SH3GL3: variants seen among roughly 807,000 people sequenced by gnomAD.
The protein encoded by SH3GL3 is endophilin-A3.
A neutral mutation model predicts 47.7 loss-of-function variants in SH3GL3; 33 were observed. The observed-to-expected ratio is 0.69, with a 90% CI of 0.52 to 0.92. SH3GL3 has a LOEUF of 0.92. Among genes scored for constraint, SH3GL3 ranks in the 40% least tolerant of loss-of-function variants. SH3GL3 has a pLI of 0.00. For missense variants in SH3GL3, 363 were observed against 417.8 expected (o/e 0.87, Z 1.14); for synonymous variants, 155 against 148.8 (o/e 1.04, Z -0.30).
intron 3 of SH3GL3, among the ~76,000 whole-genome samples, chr15:83,566,361 A>AGT (rs1326661845): frequency 2.2e-4 from 26 of 118,418 alleles, no homozygotes; most frequent in South Asian, 3.1e-4. Flanking sequence ...AGAGAGAGAG[A>AGT]GAGAGTGTGT....
chr15:83,545,240 G>C (rs1164346668), intron 1 of SH3GL3, among the ~76,000 whole-genome samples: 1 of 151,972 alleles, frequency 6.6e-6, no homozygotes, highest in Non-Finnish European at 1.5e-5. Context: ...TGTCTCCTCT[G>C]TGTATTTTCA....
intron 6 of SH3GL3, among the ~76,000 whole-genome samples, chr15:83,577,940 C>G (rs558493674): frequency 3.9e-5 from 6 of 152,332 alleles, no homozygotes; most frequent in Admixed American, 2.6e-4. Flanking sequence ...GCTGTCATCC[C>G]CCAGCTCTCT....
At chr15:83,507,242 T>C (rs1232642441) in intron 1 of SH3GL3, among the ~76,000 whole-genome samples, 1 of 152,058 alleles carries the variant, frequency 6.6e-6, no homozygotes, top group Non-Finnish European at 1.5e-5. Context: ...TCTCCTGACC[T>C]TGTGATCCGC....
chr15:83,553,153 C>T (rs781154551), intron 1 of SH3GL3, among the ~76,000 whole-genome samples: 18 of 151,942 alleles, frequency 1.2e-4, no homozygotes, highest in Admixed American at 1.1e-3. Context: ...GTGGTCTCAG[C>T]TACTCCTGAG....
At chr15:83,549,741 TC>T (rs1352885980) in intron 1 of SH3GL3, among the ~76,000 whole-genome samples, 2 of 152,214 alleles carry the variant, frequency 1.3e-5, no homozygotes, top group East Asian at 1.9e-4. Flanking sequence ...TTTCCCTTTT[TC>T]CCAGAAATTT....
intron 1 of SH3GL3, among the ~76,000 whole-genome samples, chr15:83,470,832 A>G (rs1029165275): frequency 1.3e-5 from 2 of 152,072 alleles, no homozygotes; most frequent in African/African-American, 4.8e-5. Flanking sequence ...ATGTGTGTGT[A>G]TACATACACA....
At chr15:83,572,761 A>T (rs1050541409) in intron 5 of SH3GL3, 63 bp downstream of exon 5, 33 of 1,247,760 alleles carry the variant, frequency 2.6e-5, no homozygotes, top group Non-Finnish European at 3.5e-5. Context: ...ATTTAAAATC[A>T]CTAGAACGTT....
In SH3GL3 at chr15:83,568,902, CTT is replaced by C. The variant is rs58463834; in HGVS notation, c.331+249_331+250del. Among the ~76,000 whole-genome samples, 539 of 130,874 alleles carry C rather than the reference CTT, an allele frequency of 4.1e-3. 6 individuals carry two copies. Among genetic ancestry groups the C allele is most frequent in the African/African-American group, 0.012 (420 of 35,086 alleles). 85.9% of individuals were successfully genotyped at this position (130,874 alleles called of 152,430 possible). A position where few individuals can be genotyped will look rare whatever the true frequency, so the allele number is the denominator to read the frequency against. On this transcript the variant is annotated intron_variant, in intron 4 of 8. Transcript: ENST00000427482. ...GGCCCAATTAAACTCTGTTGTGTATCTTTTTTTTTTTTTTTTTTTTAGACAAA... is the reference window on the plus strand; with the variant it reads ...GGCCCAATTAAACTCTGTTGTGTATCTTTTTTTTTTTTTTTTTTAGACAAA...
downstream of SH3GL3, among the ~76,000 whole-genome samples, chr15:83,620,005 A>G (rs2060908352): frequency 6.6e-6 from 1 of 152,180 alleles, no homozygotes; most frequent in African/African-American, 2.4e-5. Flanking sequence ...TGTTCACAGC[A>G]TCTTCACCAA....
intron 7 of SH3GL3, among the ~76,000 whole-genome samples, chr15:83,588,152 T>A (rs2060000862): frequency 6.6e-6 from 1 of 152,210 alleles, no homozygotes; most frequent in East Asian, 1.9e-4. Context: ...TCGTGCTCTG[T>A]TGCCCAGGCT....
At chr15:83,592,311 A>G (rs1378030576) in intron 8 of SH3GL3, among the ~76,000 whole-genome samples, 1 of 152,120 alleles carries the variant, frequency 6.6e-6, no homozygotes, top group Non-Finnish European at 1.5e-5. Context: ...TTGTGTAATC[A>G]TCACTTCCAT....
At chr15:83,473,075 CG>C (rs1229594329) in intron 1 of SH3GL3, among the ~76,000 whole-genome samples, 1 of 152,174 alleles carries the variant, frequency 6.6e-6, no homozygotes, top group Non-Finnish European at 1.5e-5. Context: ...GACACCATGG[CG>C]GGGGCAGCCT....
chr15:83,572,599 G>A lies in SH3GL3; in HGVS notation c.366G>A (p.Lys122=). 6.2e-7 allele frequency: 1 copy of A among 1,612,508 alleles called. No homozygotes were observed. The highest frequency in any genetic ancestry group is 8.5e-7 in the Non-Finnish European group (1 of 1,178,658). ...NALIEVGESM[K]LMAEVKDSLD... ...TGATAGAAGTTGGTGAATCCATGAAGCTAATGGCTGAGGTGAAAGACTCTC... is the reference window on the plus strand; with the variant it reads ...TGATAGAAGTTGGTGAATCCATGAAACTAATGGCTGAGGTGAAAGACTCTC... Residue 122 remains lysine (K), a synonymous_variant, in exon 5 of 9, where the codon AAG becomes AAA. Coordinates refer to ENST00000427482, the MANE Select transcript of SH3GL3 (RefSeq NM_003027.5).
At chr15:83,589,631 C>G (rs1349226622) in intron 8 of SH3GL3, among the ~76,000 whole-genome samples, 1 of 152,190 alleles carries the variant, frequency 6.6e-6, no homozygotes, top group Non-Finnish European at 1.5e-5. Context: ...TCTGCCTCGG[C>G]CTTCTGAAGT....
intron 1 of SH3GL3, among the ~76,000 whole-genome samples, chr15:83,495,648 A>G (rs538049769): frequency 6.6e-6 from 1 of 152,130 alleles, no homozygotes; most frequent in East Asian, 1.9e-4. Flanking sequence ...GAGGCAGGAG[A>G]ATTGCTTGAA....
intron 1 of SH3GL3, among the ~76,000 whole-genome samples, chr15:83,506,008 A>G (rs1418226658): frequency 2.6e-5 from 4 of 152,190 alleles, no homozygotes; most frequent in Non-Finnish European, 5.9e-5. Context: ...CTAAAGCCTA[A>G]TGATGTCTTT....
chr15:83,485,464 G>A (rs548145863), intron 1 of SH3GL3, among the ~76,000 whole-genome samples: 31 of 152,162 alleles, frequency 2.0e-4, no homozygotes, highest in African/African-American at 7.5e-4. Flanking sequence ...TTTTAGCATT[G>A]TAAAGTGTGT....
At chr15:83,557,149 A>G (rs2045003848) in intron 1 of SH3GL3, among the ~76,000 whole-genome samples, 1 of 152,064 alleles carries the variant, frequency 6.6e-6, no homozygotes, top group South Asian at 2.1e-4. Context: ...CCACTTTTGT[A>G]CTCTACCATG....
intron 1 of SH3GL3, among the ~76,000 whole-genome samples, chr15:83,544,529 C>A (rs1015621925): frequency 6.6e-6 from 1 of 152,092 alleles, no homozygotes; most frequent in Non-Finnish European, 1.5e-5. Flanking sequence ...GAGTAGTTTA[C>A]ACACCACAAT....
Sources: allele counts gnomAD v4.1 joint callset (sites outside exome capture counted in the v4.1 genomes callset), GRCh38; gene constraint gnomAD v4.1.1; transcripts MANE v1.5; gene names NCBI Gene and HGNC (gene_info 2026-07-23, HGNC 2026-07-21).